The following WDR70 variants were observed in gnomAD, a reference collection of about 807,000 sequenced individuals.
WDR70 encodes WD repeat-containing protein 70.
A neutral mutation model predicts 88.6 loss-of-function variants in WDR70; 53 were observed. The observed-to-expected ratio is 0.60, with a 90% CI of 0.48 to 0.75. WDR70 has a LOEUF of 0.75. Among genes scored for constraint, WDR70 ranks in the 30% least tolerant of loss-of-function variants. WDR70 has a pLI of 0.00. For synonymous variants in WDR70, 280 were observed against 270.0 expected (o/e 1.04, Z -0.36); for missense variants, 610 against 823.2 (o/e 0.74, Z 3.17).
chr5:37,708,124 A>T (rs1401710030), intron 13 of WDR70, among the ~76,000 whole-genome samples: 3 of 150,380 alleles, frequency 2.0e-5, no homozygotes, highest in Non-Finnish European at 4.4e-5. Context: ...AGTAAAGAAC[A>T]AGGATTATCT....
chr5:37,571,893 A>G (rs1453956993), intron 9 of WDR70, among the ~76,000 whole-genome samples: 2 of 152,108 alleles, frequency 1.3e-5, no homozygotes, highest in Admixed American at 1.3e-4. Flanking sequence ...TGATGTCTGG[A>G]GTCATCTGGA....
chr5:37,578,556 T>A (rs977976664), intron 9 of WDR70, among the ~76,000 whole-genome samples: 3 of 152,226 alleles, frequency 2.0e-5, no homozygotes, highest in African/African-American at 7.2e-5. Context: ...CTAGTGTTTC[T>A]CAGTTTTATT....
intron 10 of WDR70, among the ~76,000 whole-genome samples, chr5:37,646,546 C>G (rs1266619696): frequency 1.3e-5 from 2 of 152,056 alleles, no homozygotes; most frequent in African/African-American, 2.4e-5. Context: ...TAGGACAGGT[C>G]TAGTGTTGAT....
In WDR70 at chr5:37,410,193, G is replaced by GTT. The variant is rs952637754; in HGVS notation, c.492+13643_492+13644dup. Among the ~76,000 whole-genome samples, 489 of 119,440 alleles carry GTT rather than the reference G, an allele frequency of 4.1e-3. 5 individuals carry two copies. Among genetic ancestry groups the GTT allele is most frequent in the African/African-American group, 0.013 (428 of 32,184 alleles). The allele number at this position is 119,440 out of a possible 152,430, so 78.4% of individuals were successfully genotyped here. ...AGTCCACCCAGCTTGGAGTTTGTTA[G>GTT]TTTTTTTTTTTTTTTTTTTTTCTTT... is the stretch of plus-strand genomic sequence containing the variant. On this transcript the variant is annotated intron_variant, in intron 5 of 17. Coordinates refer to ENST00000265107, the MANE Select transcript of WDR70 (RefSeq NM_018034.4).
chr5:37,714,148 A>G (rs1379911724), intron 13 of WDR70, among the ~76,000 whole-genome samples: 2 of 152,248 alleles, frequency 1.3e-5, no homozygotes, highest in Non-Finnish European at 2.9e-5. Context: ...TAGTTCGTCT[A>G]TACAGGAAGA....
intron 9 of WDR70, among the ~76,000 whole-genome samples, chr5:37,582,084 G>GTATTTA (rs1318229813): frequency 1.4e-5 from 2 of 139,666 alleles, no homozygotes; most frequent in Admixed American, 1.5e-4. Flanking sequence ...CTTAGTTACA[G>GTATTTA]TTTTTATTTG....
intron 17 of WDR70, among the ~76,000 whole-genome samples, chr5:37,730,109 T>G (rs558034292): frequency 6.6e-6 from 1 of 152,130 alleles, no homozygotes; most frequent in African/African-American, 2.4e-5. Flanking sequence ...TATGAACACA[T>G]GTATAGAGTA....
At chr5:37,578,816 C>A (rs1283454596) in intron 9 of WDR70, among the ~76,000 whole-genome samples, 1 of 152,186 alleles carries the variant, frequency 6.6e-6, no homozygotes, top group Non-Finnish European at 1.5e-5. Context: ...CTCAAACATA[C>A]AGAAACACAG....
At chr5:37,556,976 T>C (rs555815794) in intron 9 of WDR70, among the ~76,000 whole-genome samples, 62 of 151,870 alleles carry the variant, frequency 4.1e-4, no homozygotes, top group Non-Finnish European at 7.7e-4. Context: ...TATTAAGGAG[T>C]AATATGGAGG....
intron 10 of WDR70, among the ~76,000 whole-genome samples, chr5:37,606,671 C>G (rs1405113674): frequency 6.6e-6 from 1 of 152,106 alleles, no homozygotes; most frequent in Admixed American, 6.5e-5. Flanking sequence ...TAAAGCCATT[C>G]AGCTAATTAC....
intron 8 of WDR70, among the ~76,000 whole-genome samples, chr5:37,488,032 T>C (rs1739944621): frequency 6.6e-6 from 1 of 152,024 alleles, no homozygotes; most frequent in South Asian, 2.1e-4. Flanking sequence ...AGAAAGACTT[T>C]ATTTCTCCTT....
intron 10 of WDR70, among the ~76,000 whole-genome samples, chr5:37,656,985 C>A (rs571102628): frequency 6.6e-6 from 1 of 152,256 alleles, no homozygotes; most frequent in East Asian, 1.9e-4. Flanking sequence ...GGCTTCAGCC[C>A]CCTTTCCCAG....
At chr5:37,598,021 A>T (rs904097123) in intron 9 of WDR70, among the ~76,000 whole-genome samples, 2 of 151,240 alleles carry the variant, frequency 1.3e-5, no homozygotes, top group Non-Finnish European at 3.0e-5. Context: ...CTCAAAGTTG[A>T]TTTTTTTTTG....
At chr5:37,536,225 T>C (rs1741664473) in intron 9 of WDR70, among the ~76,000 whole-genome samples, 1 of 152,184 alleles carries the variant, frequency 6.6e-6, no homozygotes, top group African/African-American at 2.4e-5. Context: ...ATAAGATATA[T>C]GTATATTCCT....
chr5:37,524,548 C>T (rs1352442775), intron 9 of WDR70, among the ~76,000 whole-genome samples: 20 of 152,240 alleles, frequency 1.3e-4, no homozygotes, highest in Admixed American at 4.6e-4. Flanking sequence ...TAAAGACCAT[C>T]GAGGCTAGGA....
At chr5:37,391,256 A>AT (rs1388291171) in intron 3 of WDR70, among the ~76,000 whole-genome samples, 1 of 151,978 alleles carries the variant, frequency 6.6e-6, no homozygotes, top group African/African-American at 2.4e-5. Context: ...AGGTTGATAA[A>AT]TTTTTTTTCT....
intron 8 of WDR70, among the ~76,000 whole-genome samples, chr5:37,514,388 TTCC>T (rs1740823928): frequency 1.2e-4 from 1 of 8,406 alleles, no homozygotes; most frequent in Non-Finnish European, 2.0e-3. Context: ...GTATTTTTTT[TTCC>T]ATTAACTTTT....
chr5:37,618,357 A>G (rs912713141), intron 10 of WDR70, among the ~76,000 whole-genome samples: 1 of 152,132 alleles, frequency 6.6e-6, no homozygotes, highest in African/African-American at 2.4e-5. Flanking sequence ...TTTATTAAAA[A>G]CAGCAAGATT....
In WDR70 at chr5:37,605,116, A is replaced by G; in HGVS notation, c.970A>G (p.Lys324Glu). ...ENPKKQKSVFKPRTMQGKKVI... is the reference protein window; with the variant it reads ...ENPKKQKSVFEPRTMQGKKVI... ...TCCAAAGAAGCAAAAAAGTGTGTTT[A>G]AACCACGGACGATGCAAGGCAAAAA... The change falls in exon 10 of 18, where the codon AAA (lysine) becomes GAA (glutamate). Residue 324 changes from lysine (K) to glutamate (E), a missense_variant. Transcript: ENST00000265107. 6.2e-7 allele frequency: 1 copy of G among 1,613,246 alleles called. No homozygotes were observed. Among genetic ancestry groups the G allele is most frequent in the Non-Finnish European group, 8.5e-7 (1 of 1,179,562 alleles).
Sources: gnomAD v4.1 joint callset for allele counts (sites outside exome capture counted in the v4.1 genomes callset) on GRCh38, gnomAD v4.1.1 for gene constraint, MANE v1.5 for transcripts, NCBI Gene and HGNC (gene_info 2026-07-23, HGNC 2026-07-21) for gene names.